The following SMIM35 variants were observed in gnomAD, a reference collection of about 807,000 sequenced individuals.
SMIM35 encodes small integral membrane protein 35, also known as TMPRSS4 antisense RNA 1 (non-protein coding).
intron 1 of SMIM35, among the ~76,000 whole-genome samples, chr11:118,062,914 C>A (rs774208021): frequency 4.6e-5 from 7 of 152,088 alleles, no homozygotes; most frequent in Admixed American, 3.3e-4. Flanking sequence ...TCATAAAGAC[C>A]TTGCTGATAA....
intron 1 of SMIM35, among the ~76,000 whole-genome samples, chr11:118,039,591 C>A (rs1321252597): frequency 1.3e-5 from 2 of 149,672 alleles, no homozygotes; most frequent in Non-Finnish European, 3.0e-5. Flanking sequence ...ACACATGTGG[C>A]CCCAGCTACT....
intron 1 of SMIM35, chr11:118,025,932 C>A (rs1412550510): frequency 3.0e-6 from 1 of 328,494 alleles, no homozygotes; most frequent in Non-Finnish European, 5.7e-6. Context: ...TTAGGTCTTA[C>A]ATTTAAGTCT....
chr11:118,028,454 C>A (rs985219975), intron 1 of SMIM35, among the ~76,000 whole-genome samples: 4 of 152,118 alleles, frequency 2.6e-5, no homozygotes, highest in African/African-American at 9.7e-5. Flanking sequence ...ATGTGTCTCT[C>A]CCTTAGAGAT....
chr11:118,074,081 G>T (rs890846973), intron 1 of SMIM35, among the ~76,000 whole-genome samples: 4 of 152,158 alleles, frequency 2.6e-5, no homozygotes, highest in African/African-American at 9.7e-5. Context: ...TTCTTGAGGG[G>T]CTTTCTTGAA....
At chr11:118,054,692 A>G (rs930142002) in intron 1 of SMIM35, among the ~76,000 whole-genome samples, 2 of 152,178 alleles carry the variant, frequency 1.3e-5, no homozygotes, top group African/African-American at 4.8e-5. Flanking sequence ...AATGTACACT[A>G]TAAAGTGTCC....
intron 1 of SMIM35, among the ~76,000 whole-genome samples, chr11:118,079,262 G>C (rs1031056832): frequency 6.6e-6 from 1 of 152,106 alleles, no homozygotes; most frequent in Admixed American, 6.5e-5. Context: ...GCCCTGAGGG[G>C]AGGATGGGAT....
intron 1 of SMIM35, among the ~76,000 whole-genome samples, chr11:118,030,911 G>A (rs2058313840): frequency 6.6e-6 from 1 of 152,040 alleles, no homozygotes; most frequent in Non-Finnish European, 1.5e-5. Flanking sequence ...CCATGATGGT[G>A]CAGCCCAGCA....
chr11:118,026,832 G>C lies in SMIM35; in HGVS notation c.8-11023C>G, dbSNP rs534569895. 1.4e-4 allele frequency among the ~76,000 whole-genome samples: 21 copies of C among 152,016 alleles called. 1 individual carries two copies. In the South Asian group the frequency reaches 4.2e-3, roughly 30 times the overall value. On this transcript the variant is annotated intron_variant, in intron 1 of 4. Coordinates refer to ENST00000689828, the MANE Select transcript of SMIM35 (RefSeq NM_001394165.1). ...TTAAAAAATAAAAATATAAAATGCA[G>C]GTCTTATATAAGTCTCGGTAGCCAA...
rs144527273 is a variant in SMIM35 at position 118,031,667 on chromosome 11, G to T, written c.8-15858C>A. ...TTAATTAAAAGTTTACTGCACAATGGCATACTTAGTTTCAAATTCCTCTCC... is the reference window on the plus strand; with the variant it reads ...TTAATTAAAAGTTTACTGCACAATGTCATACTTAGTTTCAAATTCCTCTCC... On this transcript the variant is annotated intron_variant, in intron 1 of 4. Transcript: ENST00000689828. 6.6e-5 allele frequency among the ~76,000 whole-genome samples: 10 copies of T among 152,000 alleles called. No homozygotes were observed. In the East Asian group the frequency reaches 1.3e-3, roughly 21 times the overall value.
intron 1 of SMIM35, among the ~76,000 whole-genome samples, chr11:118,065,272 A>G (rs528341669): frequency 6.6e-6 from 1 of 152,334 alleles, no homozygotes; most frequent in East Asian, 1.9e-4. Flanking sequence ...TTTGGCCTAG[A>G]GCACCGTGAA....
chr11:118,022,032 CTTTTTTT>C (rs761119844), intron 1 of SMIM35, among the ~76,000 whole-genome samples: 1 of 120,672 alleles, frequency 8.3e-6, no homozygotes, highest in East Asian at 2.6e-4. Flanking sequence ...AACAATAAGT[CTTTTTTT>C]TTTTTTTTTT....
At chr11:118,049,678 C>CCT (rs1944178026) in intron 1 of SMIM35, among the ~76,000 whole-genome samples, 1 of 151,902 alleles carries the variant, frequency 6.6e-6, no homozygotes, top group South Asian at 2.1e-4. Flanking sequence ...TTAATTTTTG[C>CCT]GTGTGTGCTT....
In SMIM35 at chr11:118,057,358, TAGG is replaced by T. The variant is rs764971528; in HGVS notation, c.7+29390_7+29392del. Among the ~76,000 whole-genome samples, 3 of 152,044 alleles carry T rather than the reference TAGG, an allele frequency of 2.0e-5. No homozygotes were observed. The East Asian group carries it at 5.8e-4, about 29-fold the overall frequency. On this transcript the variant is annotated intron_variant, in intron 1 of 4. Coordinates refer to ENST00000689828, the MANE Select transcript of SMIM35 (RefSeq NM_001394165.1). The stretch of plus-strand genomic sequence containing the variant: ...GAGGATCTCTGCTTCCTCTGTGCAG[TAGG>T]AGGTCAGAGCATCTGATGAGAGCAT...
At chr11:118,013,714 G>A in intron 4 of SMIM35, 34 bp downstream of exon 4, 3 of 398,630 alleles carry the variant, frequency 7.5e-6, no homozygotes, top group Non-Finnish European at 1.3e-5. Context: ...TTGGACATCA[G>A]GCTCACTCGG....
chr11:118,029,879 A>C (rs2058304359), intron 1 of SMIM35: 1 of 438,680 alleles, frequency 2.3e-6, no homozygotes. Context: ...CCTCCACATC[A>C]CCAAGTGTTC....
chr11:118,076,681 A>T (rs555093601), intron 1 of SMIM35, among the ~76,000 whole-genome samples: 1 of 152,158 alleles, frequency 6.6e-6, no homozygotes, highest in South Asian at 2.1e-4. Flanking sequence ...TTCTCTGTGG[A>T]CTTTCCAATC....
intron 1 of SMIM35, among the ~76,000 whole-genome samples, chr11:118,031,149 G>C (rs965791953): frequency 2.6e-5 from 4 of 152,196 alleles, no homozygotes; most frequent in African/African-American, 9.7e-5. Flanking sequence ...AAATTTCGTG[G>C]TGTTAGATTG....
chr11:118,028,760 AGAG>A, intron 1 of SMIM35: 1 of 441,018 alleles, frequency 2.3e-6, no homozygotes, highest in Non-Finnish European at 4.5e-6. Context: ...AGATGGAAGA[AGAG>A]AAACTGAGAA....
At chr11:118,028,962 C>T in intron 1 of SMIM35, 1 of 400,716 alleles carries the variant, frequency 2.5e-6, no homozygotes, top group Non-Finnish European at 4.9e-6. Flanking sequence ...AAATTCGTGG[C>T]TATGTTGTTT....
Sources: gnomAD v4.1 joint callset for allele counts (sites outside exome capture counted in the v4.1 genomes callset) on GRCh38, gnomAD v4.1.1 for gene constraint, MANE v1.5 for transcripts, NCBI Gene and HGNC (gene_info 2026-07-23, HGNC 2026-07-21) for gene names.